Variants in ZNF516 observed in about 807,000 individuals in gnomAD.
The protein encoded by ZNF516 is zinc finger protein 516.
A neutral mutation model predicts 79.7 loss-of-function variants in ZNF516; 19 were observed. The ratio of observed to expected loss-of-function variants is 0.24; its 90% CI spans 0.17 to 0.35. ZNF516 has a LOEUF of 0.35. ZNF516 is among the 10% of genes least tolerant of loss of function. The pLI, the probability that ZNF516 is intolerant of heterozygous loss-of-function variation, is 1.00. For synonymous variants in ZNF516, 877 were observed against 739.5 expected (o/e 1.19, Z -3.02); for missense variants, 1,678 against 1,679.5 (o/e 1.00, Z 0.02).
At chr18:76,364,961 T>C (rs1393622775) in intron 6 of ZNF516, among the ~76,000 whole-genome samples, 1 of 152,248 alleles carries the variant, frequency 6.6e-6, no homozygotes, top group Non-Finnish European at 1.5e-5. Flanking sequence ...AAGATGCTTG[T>C]TTGGTTTAAT....
At chr18:76,435,624 C>T (rs1401289639) in intron 3 of ZNF516, among the ~76,000 whole-genome samples, 1 of 152,240 alleles carries the variant, frequency 6.6e-6, no homozygotes, top group East Asian at 1.9e-4. Context: ...TGGAAGAACA[C>T]TGCTGCATTT....
At chr18:76,370,313 C>T (rs1048393797) in intron 6 of ZNF516, among the ~76,000 whole-genome samples, 12 of 152,190 alleles carry the variant, frequency 7.9e-5, no homozygotes, top group African/African-American at 2.9e-4. Flanking sequence ...GCTGTGTGCA[C>T]CTAGACCCTG....
chr18:76,438,417 CTCTT>C (rs1477868598), intron 3 of ZNF516, among the ~76,000 whole-genome samples: 6 of 152,168 alleles, frequency 3.9e-5, no homozygotes, highest in African/African-American at 9.7e-5. Flanking sequence ...CCTTTCACCC[CTCTT>C]TCTTACTAAA....
At position 76,440,759 on chromosome 18, in the gene ZNF516, T is replaced by TGC. The variant is rs1396979734; in HGVS notation, c.1810+485_1810+486insGC. Among the ~76,000 whole-genome samples, 361 of 101,182 alleles carry TGC rather than the reference T, an allele frequency of 3.6e-3. 3 individuals are homozygous for TGC. Among genetic ancestry groups the TGC allele is most frequent in the African/African-American group, 0.012 (345 of 28,038 alleles). The allele number at this position is 101,182 out of a possible 152,430, so 66.4% of individuals were successfully genotyped here. ...GTGTGTGTTTGTGTGTGTGTGTGTGTGTGCGCGCACGCGCGCATGCATCGT... is the reference window on the plus strand; with the variant it reads ...GTGTGTGTTTGTGTGTGTGTGTGTGTGCGTGCGCGCACGCGCGCATGCATCGT... On this transcript the variant is annotated intron_variant, in intron 3 of 6. Coordinates refer to ENST00000443185, the MANE Select transcript of ZNF516 (RefSeq NM_014643.4).
At chr18:76,457,179 A>G (rs1912782909) in intron 2 of ZNF516, among the ~76,000 whole-genome samples, 1 of 152,284 alleles carries the variant, frequency 6.6e-6, no homozygotes, top group Admixed American at 6.5e-5. Flanking sequence ...AAAATGATCT[A>G]CAAATGCTCC....
At chr18:76,431,738 A>G (rs956229786) in intron 3 of ZNF516, among the ~76,000 whole-genome samples, 7 of 152,014 alleles carry the variant, frequency 4.6e-5, no homozygotes, top group African/African-American at 1.7e-4. Context: ...GCTCCCCTTG[A>G]TCTTCCACCA....
At chr18:76,399,344 A>G (rs1244433849) in intron 3 of ZNF516, among the ~76,000 whole-genome samples, 1 of 152,252 alleles carries the variant, frequency 6.6e-6, no homozygotes, top group Non-Finnish European at 1.5e-5. Context: ...ACCTTCAACA[A>G]TATTTTCAGA....
intron 2 of ZNF516, among the ~76,000 whole-genome samples, chr18:76,453,242 T>C (rs546685432): frequency 1.3e-5 from 2 of 152,224 alleles, no homozygotes; most frequent in Non-Finnish European, 2.9e-5. Context: ...AAATCCAGGC[T>C]TCTGGAGCAG....
intron 3 of ZNF516, among the ~76,000 whole-genome samples, chr18:76,391,117 AGAAATCATTAAGGAGGGCTGC>A (rs1419308490): frequency 6.6e-6 from 1 of 152,170 alleles, no homozygotes; most frequent in East Asian, 1.9e-4. Context: ...GATTGCACAA[AGAAATCATTAAGGAGGGCTGC>A]GAGATTTCGA....
intron 1 of ZNF516, chr18:76,491,566 C>CGGGGGG (rs1915220242): frequency 7.1e-6 from 1 of 141,584 alleles, no homozygotes; most frequent in Non-Finnish European, 1.5e-5. Context: ...GGGGCGGGCG[C>CGGGGGG]CGGGGGGCGG....
chr18:76,383,780 G>A (rs908713655), intron 3 of ZNF516, among the ~76,000 whole-genome samples: 4 of 152,238 alleles, frequency 2.6e-5, no homozygotes, highest in Non-Finnish European at 4.4e-5. Context: ...GTACAGAGAG[G>A]CGCAGGCCCA....
chr18:76,485,953 G>A (rs1485570553), intron 1 of ZNF516, among the ~76,000 whole-genome samples: 8 of 129,060 alleles, frequency 6.2e-5, no homozygotes, highest in South Asian at 2.3e-4. Flanking sequence ...TTTGCTCTAG[G>A]TTAAAATCAC....
chr18:76,382,295 G>C (rs1460543581), intron 3 of ZNF516, among the ~76,000 whole-genome samples: 3 of 152,186 alleles, frequency 2.0e-5, no homozygotes, highest in African/African-American at 4.8e-5. Flanking sequence ...GTATATGAAA[G>C]AGGAAACGTT....
rs1405420889 is a variant in ZNF516, at chr18:76,358,888, T to A, written c.*3610A>T. The stretch of plus-strand genomic sequence containing the variant: ...CCCACTTTCTTTGATCCAGAAAGCA[T>A]CCCTACTGACCCTGTAACCTACACC... On this transcript the variant is annotated 3_prime_UTR_variant, in exon 7 of 7. Transcript: ENST00000443185. 1 of 152,198 alleles carries A rather than the reference T, an allele frequency of 6.6e-6. No homozygotes were observed. 9.4% of individuals were successfully genotyped at this position (152,198 alleles called of 1,614,324 possible).
chr18:76,406,267 CT>C (rs1281600310), intron 3 of ZNF516, among the ~76,000 whole-genome samples: 2 of 152,174 alleles, frequency 1.3e-5, no homozygotes, highest in African/African-American at 4.8e-5. Context: ...CAATCTTCCT[CT>C]TAACAACAAA....
rs889231499 is a variant in ZNF516 at position 76,493,963 on chromosome 18, CTCTT to C, written c.-272+1177_-272+1180del. On this transcript the variant is annotated intron_variant, in intron 1 of 6. Transcript: ENST00000443185. The surrounding 1 kb of genome is among the most constrained non-coding windows in gnomAD (Gnocchi z 5.2). The stretch of plus-strand genomic sequence containing the variant: ...CTTTGCACACCCGGAGACCCGGTGA[CTCTT>C]TATCAGCGGAATGAGTAAGACACAC... 6.6e-6 allele frequency: 1 copy of C among 152,214 alleles called. No individual in the cohort carries two copies. The highest frequency in any genetic ancestry group is 2.4e-5 in the African/African-American group (1 of 41,458). 9.4% of individuals were successfully genotyped at this position (152,214 alleles called of 1,614,324 possible). A position where few individuals can be genotyped will look rare whatever the true frequency, so the allele number is the denominator to read the frequency against.
At chr18:76,433,416 G>C (rs762326380) in intron 3 of ZNF516, among the ~76,000 whole-genome samples, 1 of 152,228 alleles carries the variant, frequency 6.6e-6, no homozygotes, top group South Asian at 2.1e-4. Context: ...GATGCCTGAC[G>C]CAAGGCGGAT....
rs1464270381 is a variant in ZNF516 at position 76,443,065 on chromosome 18, G to C, written c.-11C>G. The stretch of plus-strand genomic sequence containing the variant: ...TCTGTTGCGATCCATCCGAAGGACG[G>C]GCGCGGCCGGTGGTGGCGGCACAGC... On this transcript the variant is annotated 5_prime_UTR_variant, in exon 3 of 7. Transcript: ENST00000443185. The C allele has an allele frequency of 6.4e-7, 1 of 1,572,402 alleles. No homozygotes were observed. Among genetic ancestry groups the C allele is most frequent in the East Asian group, 2.3e-5 (1 of 43,478 alleles).
At chr18:76,483,311 C>A (rs1470220023) in intron 1 of ZNF516, among the ~76,000 whole-genome samples, 1 of 152,180 alleles carries the variant, frequency 6.6e-6, no homozygotes, top group Non-Finnish European at 1.5e-5. Context: ...TGCACACTTT[C>A]CTGGGTTCAG....
Sources: allele counts gnomAD v4.1 joint callset (sites outside exome capture counted in the v4.1 genomes callset), GRCh38; gene constraint gnomAD v4.1.1; non-coding constraint Gnocchi (gnomAD v3.1); transcripts MANE v1.5; gene names NCBI Gene and HGNC (gene_info 2026-07-23, HGNC 2026-07-21).